The following DOCK8 variants were observed in gnomAD, a reference collection of about 807,000 sequenced individuals.
DOCK8 encodes the protein dedicator of cytokinesis 8.
In DOCK8, 141 loss-of-function variants were observed where a neutral mutation model predicts 245.6. The observed-to-expected ratio is 0.57, with a 90% CI of 0.50 to 0.66. DOCK8 has a LOEUF of 0.66. DOCK8 is among the 30% of genes least tolerant of loss of function. DOCK8 has a pLI of 0.00. For synonymous variants in DOCK8, 1,168 were observed against 970.2 expected, an observed-to-expected ratio of 1.20 and a Z score of -3.79; for missense variants, 2,965 against 2,603.4, an observed-to-expected ratio of 1.14 and a Z score of -3.02.
Position 418,198 on chromosome 9 carries a change from G to T in DOCK8, c.3831G>T (p.Leu1277=), listed in dbSNP as rs1421118790. The change falls in exon 30 of 48, where the codon CTG becomes CTT. Residue 1277 remains leucine (L), a synonymous_variant. Transcript: ENST00000432829. ...NFNLKTSGIV[L]SSLPYKQYNM... ...ATTTGAAAACAAGTGGAATAGTGCT[G>T]TCTTCCTTGGTATGTTGGTGCACAT... 3 of 1,614,198 alleles carry T rather than the reference G, an allele frequency of 1.9e-6. No homozygotes were observed. Among genetic ancestry groups the T allele is most frequent in the Non-Finnish European group, 2.5e-6 (3 of 1,180,024 alleles).
At chr9:215,947 T>C (rs2046741344) in intron 1 of DOCK8, among the ~76,000 whole-genome samples, 1 of 152,236 alleles carries the variant, frequency 6.6e-6, no homozygotes, top group Admixed American at 6.5e-5. Context: ...GGCTGTCCGA[T>C]TTGTTAATCT....
intron 6 of DOCK8, among the ~76,000 whole-genome samples, chr9:316,398 G>T (rs7033066): frequency 6.6e-6 from 1 of 151,982 alleles, no homozygotes; most frequent in Non-Finnish European, 1.5e-5. Context: ...CTCTTTAAGT[G>T]TTTAGTTTCT....
At chr9:316,512 C>T (rs1242967626) in intron 6 of DOCK8, among the ~76,000 whole-genome samples, 1 of 152,186 alleles carries the variant, frequency 6.6e-6, no homozygotes, top group Non-Finnish European at 1.5e-5. Flanking sequence ...TAGAACTTGT[C>T]AATTCAACCC....
chr9:385,655 C>G (rs958129446), intron 22 of DOCK8, among the ~76,000 whole-genome samples: 5 of 152,082 alleles, frequency 3.3e-5, no homozygotes, highest in South Asian at 2.1e-4. Context: ...TTGGCAAATG[C>G]TACAAATTAC....
chr9:347,684 G>C (rs781138246), intron 14 of DOCK8, among the ~76,000 whole-genome samples: 3 of 152,164 alleles, frequency 2.0e-5, no homozygotes, highest in Non-Finnish European at 2.9e-5. Flanking sequence ...GCCAAGGAAC[G>C]GAGACAAAGA....
chr9:455,180 C>T (rs1011363669), intron 46 of DOCK8, among the ~76,000 whole-genome samples: 1 of 152,214 alleles, frequency 6.6e-6, no homozygotes, highest in East Asian at 1.9e-4. Context: ...TGTTCTTACA[C>T]GTCACCTGAG....
chr9:251,975 T>TC (rs1197393230), intron 1 of DOCK8, among the ~76,000 whole-genome samples: 1 of 68,414 alleles, frequency 1.5e-5, no homozygotes, highest in Non-Finnish European at 3.8e-5. Flanking sequence ...GTGTTTTCTT[T>TC]TTTTTTTTTT....
At chr9:310,826 C>T (rs540067892) in intron 5 of DOCK8, among the ~76,000 whole-genome samples, 54 of 152,280 alleles carry the variant, frequency 3.5e-4, no homozygotes, top group African/African-American at 1.3e-3. Context: ...GTATGACAGA[C>T]AAATTCTATG....
At chr9:374,453 GTTTTTTTT>G (rs762085208) in intron 18 of DOCK8, among the ~76,000 whole-genome samples, 1 of 75,352 alleles carries the variant, frequency 1.3e-5, no homozygotes, top group East Asian at 4.3e-4. Context: ...GTCCTTTTGT[GTTTTTTTT>G]TTTTTTTTTT....
Position 405,042 on chromosome 9 carries a change from C to A in DOCK8, c.3359C>A (p.Pro1120Gln). The A allele has an allele frequency of 6.2e-7, 1 of 1,613,840 alleles. No homozygotes were observed. The highest frequency in any genetic ancestry group is 8.5e-7 in the Non-Finnish European group (1 of 1,179,928). Residue 1120 changes from proline to glutamine, a missense_variant, in exon 27 of 48, where the codon CCA becomes CAA. By Grantham distance (76) the Pro-to-Gln change is moderately conservative. This residue lies in a region of DOCK8 where 2,825 missense variants were observed against 2,453.5 expected (regional missense o/e 1.15). Transcript: ENST00000432829. The part of the protein sequence containing the change: ...NLFFMNADTA[P>Q]TSPCPSISSQ... ...TTTTTTATGAATGCTGATACTGCTC[C>A]AACATCTCCTTGTCCTTCCATATCT...
At chr9:260,540 A>G (rs2047893972) in intron 1 of DOCK8, among the ~76,000 whole-genome samples, 1 of 152,244 alleles carries the variant, frequency 6.6e-6, no homozygotes, top group Admixed American at 6.5e-5. Flanking sequence ...CTGAAGGACT[A>G]ATACACAAAC....
intron 1 of DOCK8, among the ~76,000 whole-genome samples, chr9:242,611 T>C (rs1286273518): frequency 6.6e-6 from 1 of 152,210 alleles, no homozygotes; most frequent in African/African-American, 2.4e-5. Flanking sequence ...AGGATGCAGA[T>C]ATGGAAACTG....
chr9:298,128 A>C (rs923027428), intron 4 of DOCK8, among the ~76,000 whole-genome samples: 3 of 151,226 alleles, frequency 2.0e-5, no homozygotes, highest in African/African-American at 7.2e-5. Flanking sequence ...TTTTGAAGAG[A>C]AAATTTGATT....
chr9:374,403 T>C (rs2053429624), intron 18 of DOCK8, among the ~76,000 whole-genome samples: 2 of 151,966 alleles, frequency 1.3e-5, no homozygotes, highest in Admixed American at 1.3e-4. Flanking sequence ...GAAACAGTCT[T>C]TAGGCTGTAT....
intron 26 of DOCK8, among the ~76,000 whole-genome samples, chr9:400,168 T>TCCA (rs2054769940): frequency 2.8e-5 from 1 of 35,384 alleles, no homozygotes; most frequent in Non-Finnish European, 5.7e-5. Flanking sequence ...CACCACCACC[T>TCCA]CCACCATCAC....
rs530982173 is a variant in DOCK8 at position 379,675 on chromosome 9, C to T, written c.2441-96C>T. On this transcript the variant is annotated intron_variant, in intron 20 of 47. Transcript: ENST00000432829. ...TCCCAGGCCTAGTTAAATTGGTCAGCGGTCAGGACTCATTGTCACTGTCCT... is the reference window on the plus strand; with the variant it reads ...TCCCAGGCCTAGTTAAATTGGTCAGTGGTCAGGACTCATTGTCACTGTCCT... 308 of 1,366,440 alleles carry T rather than the reference C, an allele frequency of 2.3e-4. 2 individuals are homozygous for T. In the African/African-American group the frequency reaches 3.7e-3, roughly 17 times the overall value. The allele number at this position is 1,366,440 out of a possible 1,614,324, so 84.6% of individuals were successfully genotyped here.
At chr9:449,543 G>T (rs2057365214) in intron 44 of DOCK8, among the ~76,000 whole-genome samples, 1 of 152,172 alleles carries the variant, frequency 6.6e-6, no homozygotes, top group Admixed American at 6.5e-5. Flanking sequence ...AAAATGGAGA[G>T]TATAAAGAGG....
intron 2 of DOCK8, among the ~76,000 whole-genome samples, chr9:278,022 G>A (rs2048426529): frequency 6.6e-6 from 1 of 152,176 alleles, no homozygotes; most frequent in Non-Finnish European, 1.5e-5. Context: ...TCAAGGGGTT[G>A]GGCTATTCTT....
chr9:236,214 A>G (rs2047244584), intron 1 of DOCK8, among the ~76,000 whole-genome samples: 1 of 152,080 alleles, frequency 6.6e-6, no homozygotes, highest in Non-Finnish European at 1.5e-5. Flanking sequence ...TGACTCCTAA[A>G]ACTCTGTACA....
Sources: allele counts gnomAD v4.1 joint callset (sites outside exome capture counted in the v4.1 genomes callset), GRCh38; gene constraint gnomAD v4.1.1; regional missense constraint gnomAD v4.1.1; transcripts MANE v1.5; gene names NCBI Gene and HGNC (gene_info 2026-07-23, HGNC 2026-07-21).